The following COL23A1 variants were observed in gnomAD, a reference collection of about 807,000 sequenced individuals.
COL23A1 encodes collagen type XXIII alpha 1 chain, also known as collagen alpha-1(XXIII) chain.
In COL23A1, 97 loss-of-function variants were observed where a neutral mutation model predicts 99.3. That is an observed-to-expected ratio of 0.98 (90% CI 0.83 to 1.16). The LOEUF (loss-of-function observed/expected upper bound fraction) is 1.16. Among genes scored for constraint, COL23A1 ranks in the 50% most tolerant of loss-of-function variants. The pLI is 0.00. For synonymous variants in COL23A1, 320 were observed against 308.2 expected (o/e 1.04, Z -0.40); for missense variants, 762 against 757.4 (o/e 1.01, Z -0.07).
In COL23A1 at chr5:178,255,284, T is replaced by C. The variant is rs990682168; in HGVS notation, c.883-258A>G. On this transcript the variant is annotated intron_variant, in intron 15 of 28. Coordinates refer to ENST00000390654, the MANE Select transcript of COL23A1 (RefSeq NM_173465.4). The surrounding 1 kb of genome is among the most constrained non-coding windows in gnomAD (Gnocchi z 4.2). Reference sequence around the variant, plus strand: ...GGGCATTCAGGCCTGACCCCTGAGTTCTCGGGGGCAAATGGAAAGCCTGAT... The same window carrying C: ...GGGCATTCAGGCCTGACCCCTGAGTCCTCGGGGGCAAATGGAAAGCCTGAT... Among the ~76,000 whole-genome samples the C allele has an allele frequency of 6.6e-6, 1 of 151,840 alleles. No homozygotes were observed. Among genetic ancestry groups the C allele is most frequent in the Non-Finnish European group, 1.5e-5 (1 of 67,946 alleles).
intron 8 of COL23A1, 36 bp from the exon 9 acceptor site, chr5:178,263,360 GA>G: frequency 7.4e-7 from 1 of 1,344,470 alleles, no homozygotes; most frequent in Non-Finnish European, 1.0e-6. Context: ...CTCTGAGGGG[GA>G]GGGGGTCCAG....
intron 2 of COL23A1, among the ~76,000 whole-genome samples, chr5:178,442,402 A>G (rs1766923220): frequency 6.6e-6 from 1 of 152,228 alleles, no homozygotes; most frequent in African/African-American, 2.4e-5. Context: ...TTAAAATGTC[A>G]TCATTTAAAT....
intron 2 of COL23A1, among the ~76,000 whole-genome samples, chr5:178,505,692 TC>T (rs1758827881): frequency 6.6e-6 from 1 of 152,296 alleles, no homozygotes; most frequent in African/African-American, 2.4e-5. Flanking sequence ...GACTTCAGCA[TC>T]TTTTTGAAGG....
At chr5:178,585,869 C>G (rs956093661) in intron 1 of COL23A1, among the ~76,000 whole-genome samples, 1 of 152,210 alleles carries the variant, frequency 6.6e-6, no homozygotes, top group African/African-American at 2.4e-5. Context: ...CCTCCTATGG[C>G]GATCGCATTA....
At chr5:178,390,705 G>C (rs765489988) in intron 2 of COL23A1, among the ~76,000 whole-genome samples, 2 of 152,206 alleles carry the variant, frequency 1.3e-5, no homozygotes, top group Non-Finnish European at 2.9e-5. Flanking sequence ...TTCAACACAT[G>C]GTGCTGGCAC....
chr5:178,247,975 T>A, intron 20 of COL23A1, 144 bp from the exon 21 acceptor site: 1 of 784,372 alleles, frequency 1.3e-6, no homozygotes, highest in Non-Finnish European at 2.1e-6. Context: ...GCAGCTGGTC[T>A]GCGGAGCTTA....
At chr5:178,545,736 G>A (rs1158021747) in intron 2 of COL23A1, among the ~76,000 whole-genome samples, 1 of 152,064 alleles carries the variant, frequency 6.6e-6, no homozygotes, top group Non-Finnish European at 1.5e-5. Context: ...GAAGGAACTT[G>A]CACCCTGGCA....
At chr5:178,560,895 C>T (rs71611445) in intron 1 of COL23A1, 147 bp from the exon 2 acceptor site, 63,913 of 716,904 alleles carry the variant, frequency 0.089, 3,612 homozygotes, top group Middle Eastern at 0.2. Context: ...CTCAAAAGAT[C>T]CTTAAACTCT....
intron 1 of COL23A1, among the ~76,000 whole-genome samples, chr5:178,565,533 T>C (rs966857930): frequency 6.6e-6 from 1 of 151,560 alleles, no homozygotes; most frequent in African/African-American, 2.4e-5. Context: ...AAACGTTCTC[T>C]TTTGATACCC....
At chr5:178,322,254 A>C (rs994527885) in intron 2 of COL23A1, among the ~76,000 whole-genome samples, 8 of 151,924 alleles carry the variant, frequency 5.3e-5, no homozygotes, top group Non-Finnish European at 1.2e-4. Context: ...AGCCTCCCAA[A>C]GTGCTGGGAT....
intron 2 of COL23A1, among the ~76,000 whole-genome samples, chr5:178,402,652 T>G (rs912559038): frequency 6.6e-6 from 1 of 152,074 alleles, no homozygotes; most frequent in Non-Finnish European, 1.5e-5. Flanking sequence ...CTTGGGAGGC[T>G]GAGGCAGGAG....
intron 2 of COL23A1, among the ~76,000 whole-genome samples, chr5:178,449,481 C>G (rs1767362788): frequency 6.6e-6 from 1 of 152,170 alleles, no homozygotes; most frequent in African/African-American, 2.4e-5. Flanking sequence ...ACAGCAACGA[C>G]GCTGTCCTTC....
chr5:178,358,324 GTGTA>G (rs1369601274), intron 2 of COL23A1, among the ~76,000 whole-genome samples: 44 of 149,394 alleles, frequency 2.9e-4, no homozygotes, highest in Middle Eastern at 3.7e-3. Flanking sequence ...GTATGTGTAT[GTGTA>G]TGTATGTCTA....
Position 178,340,400 on chromosome 5 carries a change from G to A in COL23A1, c.362-33481C>T, listed in dbSNP as rs1231464117. Among the ~76,000 whole-genome samples, 6 of 152,200 alleles carry A rather than the reference G, an allele frequency of 3.9e-5. No individual in the cohort carries two copies. In the East Asian group the frequency reaches 1.2e-3, roughly 29 times the overall value. On this transcript the variant is annotated intron_variant, in intron 2 of 28. Coordinates refer to ENST00000390654, the MANE Select transcript of COL23A1 (RefSeq NM_173465.4). The surrounding 1 kb of genome is among the most constrained non-coding windows in gnomAD (Gnocchi z 4.7). Reference sequence around the variant, plus strand: ...AAAGCTGGTCTCCTTGGCAATTAACGTTCACTTCTGCTTTTGCCTTAGATA... The same window carrying A: ...AAAGCTGGTCTCCTTGGCAATTAACATTCACTTCTGCTTTTGCCTTAGATA...
At position 178,376,083 on chromosome 5, in the gene COL23A1, A is replaced by C. The variant is rs560387598; in HGVS notation, c.362-69164T>G. On this transcript the variant is annotated intron_variant, in intron 2 of 28. Coordinates refer to ENST00000390654, the MANE Select transcript of COL23A1 (RefSeq NM_173465.4). ...GGGGGACCCCTGGCCCTGCCTCCCT[A>C]CTCTATTTAATATCCCACTCTGCAC... 4.0e-5 allele frequency among the ~76,000 whole-genome samples: 6 copies of C among 151,172 alleles called. 1 individual carries two copies. Among genetic ancestry groups the C allele is most frequent in the Admixed American group, 3.9e-4 (6 of 15,208 alleles).
chr5:178,262,140 T>C, intron 10 of COL23A1, 77 bp downstream of exon 10: 2 of 1,433,494 alleles, frequency 1.4e-6, no homozygotes, highest in Non-Finnish European at 1.9e-6. Context: ...GCTGTCGGCG[T>C]GTGTGGGAAA....
chr5:178,486,387 A>T (rs147813081), intron 2 of COL23A1, among the ~76,000 whole-genome samples: 202 of 152,348 alleles, frequency 1.3e-3, no homozygotes, highest in African/African-American at 4.6e-3. Context: ...AGTAAGATCC[A>T]GCGCAGAGAA....
intron 3 of COL23A1, among the ~76,000 whole-genome samples, chr5:178,303,609 G>A (rs1164420979): frequency 6.6e-6 from 1 of 152,200 alleles, no homozygotes; most frequent in African/African-American, 2.4e-5. Context: ...ACTGTTGCCC[G>A]AAGGCTAGCA....
intron 2 of COL23A1, among the ~76,000 whole-genome samples, chr5:178,440,611 T>C (rs1468780863): frequency 2.8e-5 from 4 of 140,688 alleles, no homozygotes; most frequent in African/African-American, 1.2e-4. Context: ...ACTGTTTTCA[T>C]CTTTCTTTTT....
Sources: gnomAD v4.1 joint callset for allele counts (sites outside exome capture counted in the v4.1 genomes callset) on GRCh38, gnomAD v4.1.1 for gene constraint, Gnocchi (gnomAD v3.1) non-coding constraint, MANE v1.5 for transcripts, NCBI Gene and HGNC (gene_info 2026-07-23, HGNC 2026-07-21) for gene names.